The following ANO10 variants were observed in gnomAD, a reference collection of about 807,000 sequenced individuals.
The protein encoded by ANO10 is anoctamin-10.
ANO10 carries 77 observed loss-of-function variants against 74.7 expected under a neutral mutation model. The ratio of observed to expected loss-of-function variants is 1.03; its 90% confidence interval spans 0.86 to 1.25. The LOEUF is 1.25. Ranked by LOEUF, ANO10 falls within the 50% of genes most tolerant of loss-of-function variation. The pLI, the probability that ANO10 is intolerant of heterozygous loss-of-function variation, is 0.00. For missense variants in ANO10, 721 were observed against 778.1 expected, an observed-to-expected ratio of 0.93 and a Z score of 0.87; for synonymous variants, 279 against 284.9, an observed-to-expected ratio of 0.98 and a Z score of 0.21.
At chr3:43,530,555 A>T (rs564737681) in intron 11 of ANO10, among the ~76,000 whole-genome samples, 2 of 151,934 alleles carry the variant, frequency 1.3e-5, no homozygotes, top group East Asian at 3.9e-4. Flanking sequence ...AGTTTCAGAT[A>T]CCCGTGGTCA....
intron 11 of ANO10, among the ~76,000 whole-genome samples, chr3:43,538,977 C>G (rs2078838733): frequency 6.6e-6 from 1 of 152,148 alleles, no homozygotes; most frequent in South Asian, 2.1e-4. Context: ...GCAGTCATGA[C>G]TTTGAAAGTG....
intron 12 of ANO10, among the ~76,000 whole-genome samples, chr3:43,421,116 G>A (rs1401455528): frequency 3.9e-5 from 6 of 152,040 alleles, no homozygotes; most frequent in Admixed American, 1.3e-4. Context: ...CCAGCTACTC[G>A]GGAGGCTGAG....
chr3:43,589,897 G>A (rs1322897789), intron 4 of ANO10, among the ~76,000 whole-genome samples: 1 of 152,082 alleles, frequency 6.6e-6, no homozygotes, highest in African/African-American at 2.4e-5. Context: ...AAAAAGCAAG[G>A]TCCAAAATGG....
chr3:43,539,472 A>C (rs889547586), intron 11 of ANO10, among the ~76,000 whole-genome samples: 3 of 152,236 alleles, frequency 2.0e-5, no homozygotes, highest in Non-Finnish European at 2.9e-5. Context: ...ACTGTCATGC[A>C]AGAATGAGGT....
At chr3:43,681,853 C>T (rs1232331610) in intron 1 of ANO10, among the ~76,000 whole-genome samples, 1 of 152,260 alleles carries the variant, frequency 6.6e-6, no homozygotes, top group African/African-American at 2.4e-5. Context: ...GAAATGAAGG[C>T]AGAAATAAAG....
chr3:43,405,013 T>C (rs1211935183), intron 12 of ANO10, among the ~76,000 whole-genome samples: 5 of 152,182 alleles, frequency 3.3e-5, no homozygotes, highest in Admixed American at 6.6e-5. Context: ...CATGAAATAG[T>C]TGAGCAGAAA....
At chr3:43,521,615 G>T (rs1185502530) in intron 11 of ANO10, among the ~76,000 whole-genome samples, 2 of 152,116 alleles carry the variant, frequency 1.3e-5, no homozygotes, top group South Asian at 2.1e-4. Context: ...CATCCACTAG[G>T]TTAGCTATAA....
intron 11 of ANO10, among the ~76,000 whole-genome samples, chr3:43,494,953 C>T (rs2076861154): frequency 6.6e-6 from 1 of 151,886 alleles, no homozygotes; most frequent in Non-Finnish European, 1.5e-5. Flanking sequence ...GAATTATCAA[C>T]AAATTTCTAG....
rs1412675914 is a variant in ANO10, at chr3:43,576,737, T to A, written c.1117A>T (p.Met373Leu). The A allele has an allele frequency of 1.9e-6, 3 of 1,614,178 alleles. No individual in the cohort carries two copies. Among genetic ancestry groups the A allele is most frequent in the Non-Finnish European group, 2.5e-6 (3 of 1,180,036 alleles). The change falls in exon 6 of 13, where the codon ATG becomes TTG. Residue 373 changes from methionine (M) to leucine (L), a missense_variant. Coordinates refer to ENST00000292246, the MANE Select transcript of ANO10 (RefSeq NM_018075.5). ...SIIYAIVIEI[M>L]NRLYRYAAEF... ...GCAGCATATCGATAGAGACGATTCA[T>A]GATCTCAATCACAATGGCATAGATG...
At chr3:43,404,794 G>GAT in intron 12 of ANO10, among the ~76,000 whole-genome samples, 1 of 140,534 alleles carries the variant, frequency 7.1e-6, no homozygotes, top group Middle Eastern at 3.8e-3. Context: ...TGAGATGGAA[G>GAT]ATCATTTGAG....
intron 12 of ANO10, among the ~76,000 whole-genome samples, chr3:43,377,915 G>C (rs1049016130): frequency 1.3e-5 from 2 of 152,200 alleles, no homozygotes; most frequent in Admixed American, 6.5e-5. Context: ...CCCTGAACTG[G>C]GGTGGCACAG....
intron 11 of ANO10, among the ~76,000 whole-genome samples, chr3:43,531,656 G>A (rs1434513456): frequency 6.6e-6 from 1 of 152,148 alleles, no homozygotes; most frequent in Non-Finnish European, 1.5e-5. Flanking sequence ...CACTTTGGGA[G>A]GCTGAGGTGG....
intron 9 of ANO10, 137 bp from the exon 10 acceptor site, chr3:43,555,606 C>T: frequency 1.3e-6 from 1 of 741,298 alleles, no homozygotes; most frequent in Non-Finnish European, 2.2e-6. Flanking sequence ...AGTGTTTCTC[C>T]AACTTCTGAC....
chr3:43,367,030 G>A, intron 12 of ANO10, 56 bp from the exon 13 acceptor site: 16 of 1,514,696 alleles, frequency 1.1e-5, no homozygotes, highest in Non-Finnish European at 1.4e-5. Flanking sequence ...TAGTGGCCGA[G>A]GCCTCTGCTC....
At chr3:43,384,576 T>C (rs1013112448) in intron 12 of ANO10, among the ~76,000 whole-genome samples, 5 of 152,090 alleles carry the variant, frequency 3.3e-5, no homozygotes, top group Admixed American at 6.6e-5. Context: ...AAAACAAGCA[T>C]ATAGACCAAT....
intron 8 of ANO10, 85 bp from the exon 9 acceptor site, chr3:43,561,487 A>G: frequency 8.3e-7 from 1 of 1,198,584 alleles, no homozygotes; most frequent in Non-Finnish European, 1.2e-6. Flanking sequence ...AAATTAAACT[A>G]CAGTATTTAT....
At chr3:43,475,355 C>T (rs2076025843) in intron 11 of ANO10, among the ~76,000 whole-genome samples, 2 of 152,136 alleles carry the variant, frequency 1.3e-5, no homozygotes, top group Admixed American at 1.3e-4. Flanking sequence ...AAGGTCTCCC[C>T]ACCCAAAGAT....
chr3:43,679,527 A>G (rs1026918751), intron 1 of ANO10, among the ~76,000 whole-genome samples: 1 of 152,212 alleles, frequency 6.6e-6, no homozygotes, highest in African/African-American at 2.4e-5. Flanking sequence ...GGGCATAGCC[A>G]AACAAAAGGC....
chr3:43,514,033 T>C (rs574056117), intron 11 of ANO10, among the ~76,000 whole-genome samples: 119 of 150,680 alleles, frequency 7.9e-4, no homozygotes, highest in African/African-American at 2.7e-3. Context: ...CATATTATAA[T>C]TTATATAATT....
Sources: allele counts gnomAD v4.1 joint callset (sites outside exome capture counted in the v4.1 genomes callset), GRCh38; gene constraint gnomAD v4.1.1; transcripts MANE v1.5; gene names NCBI Gene and HGNC (gene_info 2026-07-23, HGNC 2026-07-21).